The following RUNX1T1 variants were observed in gnomAD, a reference collection of about 807,000 sequenced individuals.
The protein encoded by RUNX1T1 is protein CBFA2T1.
In RUNX1T1, 4 loss-of-function variants were observed where a neutral mutation model predicts 62.8. The ratio of observed to expected loss-of-function variants is 0.06; its 90% CI spans 0.03 to 0.15. The LOEUF (loss-of-function observed/expected upper bound fraction) is 0.15. RUNX1T1 is among the 10% of genes least tolerant of loss of function. RUNX1T1 has a pLI of 1.00. For missense variants in RUNX1T1, 508 were observed against 754.3 expected (o/e 0.67, Z 3.82); for synonymous variants, 291 against 286.0 (o/e 1.02, Z -0.18).
At chr8:91,984,640 T>C (rs1455167701) in intron 8 of RUNX1T1, among the ~76,000 whole-genome samples, 1 of 152,200 alleles carries the variant, frequency 6.6e-6, no homozygotes, top group Non-Finnish European at 1.5e-5. Context: ...CTAAGTTTTA[T>C]TTACTTTAAA....
At chr8:91,974,428 T>C (rs1813489971) in intron 9 of RUNX1T1, among the ~76,000 whole-genome samples, 1 of 152,146 alleles carries the variant, frequency 6.6e-6, no homozygotes. Context: ...TTTTTCTCTA[T>C]GAACTATCAA....
chr8:91,962,431 T>A (rs1468720040), intron 10 of RUNX1T1, among the ~76,000 whole-genome samples: 1 of 152,206 alleles, frequency 6.6e-6, no homozygotes, highest in Non-Finnish European at 1.5e-5. Flanking sequence ...AAGTTAAAAT[T>A]TGAATGAATA....
chr8:92,050,416 T>C (rs1460789824), intron 1 of RUNX1T1, among the ~76,000 whole-genome samples: 1 of 152,210 alleles, frequency 6.6e-6, no homozygotes, highest in African/African-American at 2.4e-5. Flanking sequence ...AAAGTTTTAT[T>C]ATGATCCCTA....
chr8:92,088,761 C>T (rs72671449), intron 1 of RUNX1T1, among the ~76,000 whole-genome samples: 98 of 152,274 alleles, frequency 6.4e-4, no homozygotes, highest in Non-Finnish European at 1.0e-3. Flanking sequence ...CCATGTCTAG[C>T]TCATTACTGC....
chr8:91,959,488 G>GTGTGTGTGTGTGTA (rs1405432738), exon 11 of RUNX1T1: 3 of 84,796 alleles, frequency 3.5e-5, no homozygotes, highest in African/African-American at 1.5e-4. Flanking sequence ...GTGTGTGTGT[G>GTGTGTGTGTGTGTA]TATATATATA....
intron 2 of RUNX1T1, among the ~76,000 whole-genome samples, chr8:92,072,404 A>T (rs1833821669): frequency 6.6e-6 from 1 of 152,220 alleles, no homozygotes; most frequent in Non-Finnish European, 1.5e-5. Flanking sequence ...AATATCAAAC[A>T]TATCCTTTAA....
intron 4 of RUNX1T1, chr8:92,006,363 G>GA: frequency 6.6e-6 from 1 of 152,200 alleles, no homozygotes; most frequent in South Asian, 2.1e-4. Flanking sequence ...TTAATTCCAG[G>GA]AAAGATCAAT....
At chr8:92,082,726 G>T (rs2130830148) in intron 1 of RUNX1T1, among the ~76,000 whole-genome samples, 1 of 152,294 alleles carries the variant, frequency 6.6e-6, no homozygotes, top group African/African-American at 2.4e-5. Context: ...ACCATCTGTG[G>T]TTCTGAAGCT....
intron 5 of RUNX1T1, among the ~76,000 whole-genome samples, chr8:91,995,115 T>C (rs1359745753): frequency 6.6e-6 from 1 of 152,198 alleles, no homozygotes; most frequent in African/African-American, 2.4e-5. Context: ...TTCTAAATAA[T>C]GAAACATCTT....
intron 1 of RUNX1T1, among the ~76,000 whole-genome samples, chr8:92,097,725 T>C (rs1009234176): frequency 9.9e-5 from 15 of 152,206 alleles, no homozygotes; most frequent in African/African-American, 3.1e-4. Flanking sequence ...CAAAAGCTAA[T>C]CTGCCAGTGG....
chr8:92,005,722 T>C (rs888293993), intron 4 of RUNX1T1: 3 of 154,018 alleles, frequency 1.9e-5, no homozygotes, highest in Non-Finnish European at 2.9e-5. Context: ...ACACTCAATT[T>C]TGTATCTGGT....
intron 2 of RUNX1T1, among the ~76,000 whole-genome samples, chr8:92,015,648 C>T (rs1281436757): frequency 6.6e-6 from 1 of 152,118 alleles, no homozygotes; most frequent in African/African-American, 2.4e-5. Flanking sequence ...TAAAAATCTG[C>T]ATCGTTTGCA....
chr8:92,101,974 G>A (rs1186385729), upstream of RUNX1T1, among the ~76,000 whole-genome samples: 1 of 152,228 alleles, frequency 6.6e-6, no homozygotes, highest in Non-Finnish European at 1.5e-5. Flanking sequence ...GAAAACGAAA[G>A]GAATTATCCG....
intron 1 of RUNX1T1, among the ~76,000 whole-genome samples, chr8:92,098,871 G>A (rs1031288542): frequency 4.6e-5 from 7 of 152,040 alleles, no homozygotes; most frequent in African/African-American, 1.7e-4. Flanking sequence ...GAGATAACCT[G>A]CTCTGTCTTA....
At chr8:92,016,224 T>C (rs1008852446) in intron 2 of RUNX1T1, among the ~76,000 whole-genome samples, 2 of 152,192 alleles carry the variant, frequency 1.3e-5, no homozygotes, top group African/African-American at 4.8e-5. Context: ...CTATCCCTAA[T>C]GAAATACACA....
intron 1 of RUNX1T1, among the ~76,000 whole-genome samples, chr8:92,050,711 T>C (rs1830098168): frequency 6.6e-6 from 1 of 152,196 alleles, no homozygotes; most frequent in Admixed American, 6.5e-5. Flanking sequence ...ATCTCATTCT[T>C]TCCAGGGTTA....
intron 6 of RUNX1T1, among the ~76,000 whole-genome samples, chr8:91,990,421 AAAG>A (rs1817426139): frequency 6.6e-6 from 1 of 152,190 alleles, no homozygotes; most frequent in Non-Finnish European, 1.5e-5. Flanking sequence ...GGAGATGGAA[AAAG>A]AAGAGGAGAC....
At chr8:91,959,439 T>TGTATATGTGC (rs1809906245) in exon 11 of RUNX1T1, 1 of 120,078 alleles carries the variant, frequency 8.3e-6, no homozygotes, top group African/African-American at 8.5e-5. Flanking sequence ...TGTGTGTGTG[T>TGTATATGTGC]GTGTGTGTGT....
intron 1 of RUNX1T1, among the ~76,000 whole-genome samples, chr8:92,077,220 G>A (rs1043832537): frequency 6.6e-6 from 1 of 151,944 alleles, no homozygotes. Context: ...AATAAGTACT[G>A]ATTAATTAAA....
Sources: allele counts gnomAD v4.1 joint callset (sites outside exome capture counted in the v4.1 genomes callset), GRCh38; gene constraint gnomAD v4.1.1; transcripts MANE v1.5; gene names NCBI Gene and HGNC (gene_info 2026-07-23, HGNC 2026-07-21).